Variants in PHACTR1 observed in about 807,000 individuals in gnomAD.
PHACTR1 encodes RPEL repeat containing 1.
In PHACTR1, 16 loss-of-function variants were observed where a neutral mutation model predicts 69.2. The observed-to-expected ratio is 0.23, with a 90% CI of 0.16 to 0.35. PHACTR1 has a LOEUF of 0.35. Among genes scored for constraint, PHACTR1 ranks in the 10% least tolerant of loss-of-function variants. The pLI, the probability that PHACTR1 is intolerant of heterozygous loss-of-function variation, is 1.00. For missense variants in PHACTR1, 510 were observed against 734.7 expected, an observed-to-expected ratio of 0.69 and a Z score of 3.54; for synonymous variants, 312 against 284.5, an observed-to-expected ratio of 1.10 and a Z score of -0.97.
chr6:12,968,882 A>T (rs1793815805), intron 4 of PHACTR1, among the ~76,000 whole-genome samples: 1 of 151,908 alleles, frequency 6.6e-6, no homozygotes, highest in Non-Finnish European at 1.5e-5. Context: ...ATCTTCTTTT[A>T]AAAAAGAAAG....
chr6:13,189,455 G>C (rs1376934009), intron 7 of PHACTR1, among the ~76,000 whole-genome samples: 3 of 151,112 alleles, frequency 2.0e-5, no homozygotes, highest in Non-Finnish European at 2.9e-5. Flanking sequence ...CTAGAGTGCA[G>C]TAGCACAATC....
intron 5 of PHACTR1, among the ~76,000 whole-genome samples, chr6:13,110,258 T>A (rs578091780): frequency 1.3e-5 from 2 of 152,306 alleles, no homozygotes; most frequent in East Asian, 3.9e-4. Flanking sequence ...TAAGTTTTAT[T>A]CTGGCTAGCA....
chr6:13,200,368 G>A (rs919188124), intron 7 of PHACTR1, among the ~76,000 whole-genome samples: 7 of 151,712 alleles, frequency 4.6e-5, no homozygotes, highest in Admixed American at 1.3e-4. Context: ...GTGCCACCAC[G>A]CCCAGCTAAT....
At chr6:12,771,686 C>A (rs1019117535) in intron 4 of PHACTR1, among the ~76,000 whole-genome samples, 4 of 152,196 alleles carry the variant, frequency 2.6e-5, no homozygotes, top group Non-Finnish European at 4.4e-5. Flanking sequence ...AAAAATACCA[C>A]CCTTTCCTAT....
Position 13,230,293 on chromosome 6 carries a change from T to C in PHACTR1, c.1391+100T>C. The C allele has an allele frequency of 2.6e-6, 4 of 1,536,718 alleles. No individual in the cohort carries two copies. The South Asian group carries it at 3.6e-5, about 14-fold the overall frequency. On this transcript the variant is annotated intron_variant, in intron 10 of 14. Transcript: ENST00000332995. ...TCGGCCGGGCGCAGTAGCTTATGCC[T>C]GTAATCCCAGCACTTTGGGAGGCCG...
Position 12,751,379 on chromosome 6 carries a change from AGCGTATGGTTGTGAGGG to A in PHACTR1, c.250+1591_250+1607del, listed in dbSNP as rs545447507. Among the ~76,000 whole-genome samples the A allele has an allele frequency of 2.6e-5, 4 of 152,336 alleles. No individual in the cohort carries two copies. In the East Asian group the frequency reaches 7.7e-4, roughly 29 times the overall value. On this transcript the variant is annotated intron_variant, in intron 4 of 14. Transcript: ENST00000332995. ...TCCCCTACTTCTATGTTTCAGATTC[AGCGTATGGTTGTGAGGG>A]GTCTCACAAAGGACCGATAATAGTT...
intron 5 of PHACTR1, among the ~76,000 whole-genome samples, chr6:13,133,294 A>C (rs1820831505): frequency 8.1e-6 from 1 of 123,666 alleles, no homozygotes; most frequent in African/African-American, 3.0e-5. Flanking sequence ...CTCTCCCCAC[A>C]GTCTCCCTCT....
chr6:13,207,590 A>G (rs951737935), intron 8 of PHACTR1, among the ~76,000 whole-genome samples: 11 of 150,898 alleles, frequency 7.3e-5, no homozygotes, highest in African/African-American at 2.2e-4. Context: ...ACATGAGTGT[A>G]TGTGTGTGTG....
chr6:13,253,729 C>T (rs1774811204), intron 10 of PHACTR1, among the ~76,000 whole-genome samples: 1 of 152,164 alleles, frequency 6.6e-6, no homozygotes, highest in Non-Finnish European at 1.5e-5. Flanking sequence ...TGGGCATGTT[C>T]GGTGGGTGTA....
intron 5 of PHACTR1, among the ~76,000 whole-genome samples, chr6:13,063,879 AG>A (rs769296847): frequency 9.9e-5 from 15 of 152,260 alleles, no homozygotes; most frequent in African/African-American, 2.9e-4. Context: ...CTGCTCATGA[AG>A]GGTCTTATGA....
chr6:12,809,472 T>C (rs1337763716), intron 4 of PHACTR1, among the ~76,000 whole-genome samples: 1 of 152,176 alleles, frequency 6.6e-6, no homozygotes, highest in Non-Finnish European at 1.5e-5. Context: ...CCACTATCCA[T>C]TTATCCAAAC....
At chr6:12,954,895 C>T (rs1406505090) in intron 4 of PHACTR1, among the ~76,000 whole-genome samples, 1 of 152,128 alleles carries the variant, frequency 6.6e-6, no homozygotes, top group Non-Finnish European at 1.5e-5. Flanking sequence ...ATATATAATC[C>T]AGGGCTTGGC....
intron 4 of PHACTR1, among the ~76,000 whole-genome samples, chr6:12,909,111 G>T (rs1375900620): frequency 6.6e-6 from 1 of 152,178 alleles, no homozygotes; most frequent in Non-Finnish European, 1.5e-5. Context: ...CTCAGTACTT[G>T]AGTGGATGTG....
At chr6:12,955,449 C>T (rs1791786085) in intron 4 of PHACTR1, among the ~76,000 whole-genome samples, 1 of 152,022 alleles carries the variant, frequency 6.6e-6, no homozygotes, top group Non-Finnish European at 1.5e-5. Flanking sequence ...GCCTGGCCTC[C>T]CAAAGCACTG....
At chr6:12,750,257 C>G (rs773508576) in intron 4 of PHACTR1, among the ~76,000 whole-genome samples, 6 of 152,126 alleles carry the variant, frequency 3.9e-5, no homozygotes, top group Non-Finnish European at 7.4e-5. Flanking sequence ...CGGGGCTGGC[C>G]GCCTGGAACG....
chr6:12,815,049 A>G (rs1775428092), intron 4 of PHACTR1, among the ~76,000 whole-genome samples: 1 of 152,212 alleles, frequency 6.6e-6, no homozygotes, highest in Non-Finnish European at 1.5e-5. Flanking sequence ...CCATGCAGAC[A>G]ATTAAAAATC....
At chr6:12,841,439 G>T (rs913764403) in intron 4 of PHACTR1, among the ~76,000 whole-genome samples, 18 of 152,194 alleles carry the variant, frequency 1.2e-4, no homozygotes, top group African/African-American at 4.1e-4. Flanking sequence ...GAAAATGAGT[G>T]GGGCTTCACA....
intron 5 of PHACTR1, among the ~76,000 whole-genome samples, chr6:13,107,183 T>TCA (rs1816303716): frequency 6.6e-6 from 1 of 152,092 alleles, no homozygotes; most frequent in South Asian, 2.1e-4. Flanking sequence ...AGTAGTACAC[T>TCA]CACAGCTCAC....
chr6:12,962,301 T>C (rs1018856564), intron 4 of PHACTR1, among the ~76,000 whole-genome samples: 2 of 152,046 alleles, frequency 1.3e-5, no homozygotes, highest in African/African-American at 4.8e-5. Flanking sequence ...CTTAATCATC[T>C]CTTTCAAGGC....
Sources: gnomAD v4.1 joint callset for allele counts (sites outside exome capture counted in the v4.1 genomes callset) on GRCh38, gnomAD v4.1.1 for gene constraint, MANE v1.5 for transcripts, NCBI Gene and HGNC (gene_info 2026-07-23, HGNC 2026-07-21) for gene names.